Variants in IGF2R observed in about 807,000 individuals in gnomAD.
The protein encoded by IGF2R is cation-independent mannose-6-phosphate receptor.
In IGF2R, 91 loss-of-function variants were observed where a neutral mutation model predicts 270.6. The observed-to-expected ratio is 0.34, with a 90% CI of 0.28 to 0.40. IGF2R has a LOEUF of 0.40. IGF2R is among the 10% of genes least tolerant of loss of function. The pLI, the probability that IGF2R is intolerant of heterozygous loss-of-function variation, is 1.00. For synonymous variants in IGF2R, 1,316 were observed against 1,258.9 expected (o/e 1.05, Z -0.96); for missense variants, 2,805 against 3,188.3 (o/e 0.88, Z 2.90).
chr6:160,099,299 A>G (rs568762288), intron 45 of IGF2R, among the ~76,000 whole-genome samples: 2 of 152,312 alleles, frequency 1.3e-5, no homozygotes, highest in African/African-American at 4.8e-5. Context: ...ATGTGAAATG[A>G]TGTATAATGA....
chr6:160,018,190 C>G (rs1486042654), intron 4 of IGF2R, among the ~76,000 whole-genome samples: 1 of 151,640 alleles, frequency 6.6e-6, no homozygotes, highest in Non-Finnish European at 1.5e-5. Flanking sequence ...AAATGGAAAT[C>G]AAAAGCAAGC....
At chr6:160,097,195 G>A (rs1266573594) in intron 45 of IGF2R, among the ~76,000 whole-genome samples, 4 of 152,244 alleles carry the variant, frequency 2.6e-5, no homozygotes, top group Non-Finnish European at 2.9e-5. Flanking sequence ...CTGAAGGAAG[G>A]TGGCACCTCC....
intron 42 of IGF2R, among the ~76,000 whole-genome samples, 155 bp from the exon 43 acceptor site, chr6:160,088,952 G>A (rs1015218536): frequency 2.6e-5 from 4 of 152,186 alleles, no homozygotes; most frequent in African/African-American, 9.7e-5. Context: ...TGCGCAGCCC[G>A]GGGAGTGGGG....
At position 160,047,250 on chromosome 6, in the gene IGF2R, T is replaced by C; in HGVS notation, c.2143T>C (p.Tyr715His). 1.2e-6 allele frequency: 2 copies of C among 1,613,864 alleles called. No homozygotes were observed. The highest frequency in any genetic ancestry group is 1.7e-6 in the Non-Finnish European group (2 of 1,179,976). The stretch of plus-strand genomic sequence containing the variant: ...ACTGAACTACAGAGGCGGCACACCC[T>C]ATAACAATGAAAGACACACACCGAG... The part of the protein sequence containing the change: ...IQLNYRGGTP[Y>H]NNERHTPRAT... The change falls in exon 16 of 48, where the codon TAT becomes CAT. Residue 715 changes from tyrosine to histidine, a missense_variant. Physicochemically the swap from Tyr to His is moderately conservative, Grantham distance 83. Transcript: ENST00000356956.
At chr6:160,091,963 C>T (rs755775950) in intron 44 of IGF2R, among the ~76,000 whole-genome samples, 1 of 152,254 alleles carries the variant, frequency 6.6e-6, no homozygotes, top group Non-Finnish European at 1.5e-5. Context: ...ACCCTGTAAC[C>T]TGGTGGGTTT....
intron 41 of IGF2R, among the ~76,000 whole-genome samples, chr6:160,086,059 A>G (rs994671127): frequency 6.6e-6 from 1 of 152,224 alleles, no homozygotes; most frequent in Non-Finnish European, 1.5e-5. Flanking sequence ...TCTTTCCCCA[A>G]CTTCAGCCAA....
Position 159,985,389 on chromosome 6 carries a change from C to T in IGF2R, c.150-5795C>T, listed in dbSNP as rs3798196. On this transcript the variant is annotated intron_variant, in intron 1 of 47. Coordinates refer to ENST00000356956, the MANE Select transcript of IGF2R (RefSeq NM_000876.4). The stretch of plus-strand genomic sequence containing the variant: ...ATTCCGTGATGTTGGGCAAGTTCCT[C>T]ATTCTGAGCCTTGGGATATTTGGCT... Among the ~76,000 whole-genome samples the T allele has an allele frequency of 1.9e-4, 29 of 152,356 alleles. No homozygotes were observed. In the East Asian group the frequency reaches 5.6e-3, roughly 29 times the overall value.
chr6:160,065,979 C>T (rs967622312), intron 29 of IGF2R, among the ~76,000 whole-genome samples: 1 of 147,376 alleles, frequency 6.8e-6, no homozygotes, highest in Non-Finnish European at 1.5e-5. Flanking sequence ...GCTGGGATTA[C>T]AGACACCACC....
chr6:160,023,518 C>T (rs576366900), intron 4 of IGF2R, among the ~76,000 whole-genome samples: 3 of 152,110 alleles, frequency 2.0e-5, no homozygotes, highest in Admixed American at 2.0e-4. Flanking sequence ...AGGAGCTGTA[C>T]CCCAAGCTTC....
chr6:160,062,460 C>T lies in IGF2R; in HGVS notation c.3583-72C>T. ...GTGCTGAGATTACAGGTGTGAGCCA[C>T]CGTGCCCGGCCCCATTTGATTAATT... On this transcript the variant is annotated intron_variant, in intron 25 of 47. Coordinates refer to ENST00000356956, the MANE Select transcript of IGF2R (RefSeq NM_000876.4). 2.5e-6 allele frequency: 3 copies of T among 1,196,922 alleles called. No homozygotes were observed. The South Asian group carries it at 3.6e-5, about 15-fold the overall frequency. 74.1% of individuals were successfully genotyped at this position (1,196,922 alleles called of 1,614,324 possible). A position where few individuals can be genotyped will look rare whatever the true frequency, so the allele number is the denominator to read the frequency against.
intron 4 of IGF2R, among the ~76,000 whole-genome samples, chr6:160,013,216 A>G (rs1041551558): frequency 3.9e-5 from 6 of 152,198 alleles, no homozygotes; most frequent in Admixed American, 2.6e-4. Context: ...ATGAATAGCA[A>G]CTTGTTTTCA....
intron 29 of IGF2R, among the ~76,000 whole-genome samples, chr6:160,066,257 C>T (rs1304644558): frequency 4.6e-5 from 7 of 151,820 alleles, no homozygotes; most frequent in Admixed American, 1.3e-4. Context: ...CCTCGTGATT[C>T]GCCCGCCTTG....
At chr6:160,010,836 T>A (rs372547229) in intron 4 of IGF2R, 51 bp downstream of exon 4, 134 of 1,096,342 alleles carry the variant, frequency 1.2e-4, no homozygotes, top group Non-Finnish European at 1.8e-4. Flanking sequence ...TCTGGGGAAC[T>A]TTATCTTTCA....
chr6:160,046,683 T>C, intron 15 of IGF2R, 38 bp downstream of exon 15: 2 of 1,593,032 alleles, frequency 1.3e-6, no homozygotes, highest in Non-Finnish European at 1.7e-6. Flanking sequence ...TCTTAGGCAT[T>C]ATATGCTAAG....
chr6:160,096,545 C>T lies in IGF2R; in HGVS notation c.6762C>T (p.Asp2254=), dbSNP rs199651009. 3.5e-4 allele frequency: 561 copies of T among 1,614,104 alleles called. No homozygotes were observed. Among genetic ancestry groups the T allele is most frequent in the Middle Eastern group, 2.5e-3 (15 of 6,060 alleles). Residue 2254 remains aspartate, a synonymous_variant, in exon 45 of 48, where the codon GAC becomes GAT. Coordinates refer to ENST00000356956, the MANE Select transcript of IGF2R (RefSeq NM_000876.4). ...TCCACTGTGACCCTCTGGTGGAGGACGGGATCCCCGAGTTCAGTCACGAGA... is the reference window on the plus strand; with the variant it reads ...TCCACTGTGACCCTCTGGTGGAGGATGGGATCCCCGAGTTCAGTCACGAGA... The part of the protein sequence containing the change: ...IFFHCDPLVE[D]GIPEFSHETA...
intron 1 of IGF2R, among the ~76,000 whole-genome samples, chr6:159,990,387 T>C (rs1020136409): frequency 6.6e-6 from 1 of 152,120 alleles, no homozygotes; most frequent in Non-Finnish European, 1.5e-5. Context: ...GATCTGATGG[T>C]TTTATAAGGG....
At chr6:160,070,082 C>G in intron 31 of IGF2R, 24 bp downstream of exon 31, 2 of 1,609,950 alleles carry the variant, frequency 1.2e-6, no homozygotes, top group Non-Finnish European at 1.7e-6. Flanking sequence ...CCTGCACCTT[C>G]TGCTGTTGCA....
intron 43 of IGF2R, 58 bp from the exon 44 acceptor site, chr6:160,089,858 G>A: frequency 7.9e-7 from 1 of 1,261,854 alleles, no homozygotes; most frequent in East Asian, 2.7e-5. Flanking sequence ...GAGGGTTTAT[G>A]TCATGAATGC....
rs969031294 is a variant in IGF2R at position 160,110,822 on chromosome 6, G to C, written c.*5738G>C. The C allele has an allele frequency of 6.6e-6, 1 of 152,214 alleles. No homozygotes were observed. The highest frequency in any genetic ancestry group is 2.4e-5 in the African/African-American group (1 of 41,456). The allele number at this position is 152,214 out of a possible 1,614,324, so 9.4% of individuals were successfully genotyped here. ...TGCTAAGTGAAATAAGCCAGACACA[G>C]AAAGAAAAATACCAGATGATCTCAC... On this transcript the variant is annotated 3_prime_UTR_variant, in exon 48 of 48. Coordinates refer to ENST00000356956, the MANE Select transcript of IGF2R (RefSeq NM_000876.4).
Sources: gnomAD v4.1 joint callset for allele counts (sites outside exome capture counted in the v4.1 genomes callset) on GRCh38, gnomAD v4.1.1 for gene constraint, MANE v1.5 for transcripts, NCBI Gene and HGNC (gene_info 2026-07-23, HGNC 2026-07-21) for gene names.